The following MZT2A variants were observed in gnomAD, a reference collection of about 807,000 sequenced individuals.
The protein encoded by MZT2A is mitotic-spindle organizing protein 2A.
A neutral mutation model predicts 12.4 loss-of-function variants in MZT2A; 8 were observed. The observed-to-expected ratio is 0.64, with a 90% CI of 0.38 to 1.16. The LOEUF (loss-of-function observed/expected upper bound fraction) is 1.16. MZT2A is among the 50% of genes most tolerant of loss of function. The pLI, the probability that MZT2A is intolerant of heterozygous loss-of-function variation, is 0.01. For synonymous variants in MZT2A, 88 were observed against 107.5 expected, an observed-to-expected ratio of 0.82 and a Z score of 1.12; for missense variants, 181 against 223.6, an observed-to-expected ratio of 0.81 and a Z score of 1.22.
At chr2:131,477,573 C>T (rs1391029108) in intron 2 of MZT2A, among the ~76,000 whole-genome samples, 1 of 150,760 alleles carries the variant, frequency 6.6e-6, no homozygotes, top group East Asian at 1.9e-4. Context: ...TTCTCCAGCC[C>T]CCCAGTATCC....
downstream of MZT2A, chr2:131,482,955 C>T (rs188588284): frequency 3.3e-6 from 5 of 1,520,784 alleles, no homozygotes; most frequent in African/African-American, 5.5e-5. Context: ...TGTCGTGCAG[C>T]TTAGCTCTGC....
At chr2:131,477,712 G>T (rs1487301475) in intron 2 of MZT2A, among the ~76,000 whole-genome samples, 1 of 151,162 alleles carries the variant, frequency 6.6e-6, no homozygotes, top group Non-Finnish European at 1.5e-5. Context: ...TAGAACTGGG[G>T]GGTAGAGAGA....
intron 2 of MZT2A, among the ~76,000 whole-genome samples, chr2:131,487,388 G>A (rs1293971225): frequency 6.6e-6 from 1 of 152,108 alleles, no homozygotes; most frequent in Non-Finnish European, 1.5e-5. Context: ...GGAGGTGGGA[G>A]GATTGCCTGA....
chr2:131,472,877 A>C (rs1214104525), intron 2 of MZT2A, among the ~76,000 whole-genome samples: 10 of 151,456 alleles, frequency 6.6e-5, no homozygotes, highest in Non-Finnish European at 1.5e-4. Flanking sequence ...ATGTGGTTGG[A>C]GCCTTGAGGA....
chr2:131,493,250 C>A (rs1367435042), upstream of MZT2A: 25 of 1,348,144 alleles, frequency 1.9e-5, no homozygotes, highest in Non-Finnish European at 2.4e-5. Context: ...TCGGGCGGCC[C>A]GGCGGCTCTG....
chr2:131,493,181 C>T (rs1679421639), upstream of MZT2A: 2 of 1,412,134 alleles, frequency 1.4e-6, no homozygotes, highest in Admixed American at 3.0e-5. Flanking sequence ...GTCCGACGCC[C>T]TGGGGGCTTC....
Position 131,470,435 on chromosome 2 carries a change from G to A in MZT2A, c.394-92C>T, listed in dbSNP as rs193159399. 1,538 of 1,035,674 alleles carry A rather than the reference G, an allele frequency of 1.5e-3. 33 individuals carry two copies. Among genetic ancestry groups the A allele is most frequent in the Non-Finnish European group, 1.8e-3 (1,404 of 788,356 alleles). 64.2% of individuals were successfully genotyped at this position (1,035,674 alleles called of 1,614,324 possible). On this transcript the variant is annotated intron_variant and NMD_transcript_variant, in intron 3 of 4. Transcript: ENST00000427024. ...TACACTATATTAAAGAGTTACAAGTGACAGCCAATGCTGGTTACAGATTAA... is the reference window on the plus strand; with the variant it reads ...TACACTATATTAAAGAGTTACAAGTAACAGCCAATGCTGGTTACAGATTAA...
intron 2 of MZT2A, chr2:131,491,651 C>T: frequency 1.3e-6 from 1 of 775,486 alleles, no homozygotes; most frequent in Non-Finnish European, 2.0e-6. Flanking sequence ...CAGCCTGGAC[C>T]ACCCTGGGGC....
chr2:131,471,161 C>T (rs1176112475), intron 3 of MZT2A, among the ~76,000 whole-genome samples: 2 of 139,362 alleles, frequency 1.4e-5, no homozygotes, highest in East Asian at 1.9e-4. Context: ...AAAGGCCTCC[C>T]CAGGCCTCTC....
chr2:131,484,494 G>A (rs1226139852), intron 2 of MZT2A, among the ~76,000 whole-genome samples: 1 of 152,218 alleles, frequency 6.6e-6, no homozygotes, highest in Non-Finnish European at 1.5e-5. Context: ...ATTTTGAAAG[G>A]ACACATGCCA....
At position 131,491,867 on chromosome 2, in the gene MZT2A, A is replaced by T. The variant is rs1316492273; in HGVS notation, c.319+9T>A. 2 of 1,465,198 alleles carry T rather than the reference A, an allele frequency of 1.4e-6. No individual in the cohort carries two copies. The highest frequency in any genetic ancestry group is 2.7e-5 in the South Asian group (2 of 74,168). The allele number at this position is 1,465,198 out of a possible 1,614,324, so 90.8% of individuals were successfully genotyped here. ...CCACTGGGGCAGGGACAGCGGGCCCAGCTCTGACCTCGGGTCTCGGGCACG... is the reference window on the plus strand; with the variant it reads ...CCACTGGGGCAGGGACAGCGGGCCCTGCTCTGACCTCGGGTCTCGGGCACG... On this transcript the variant is annotated intron_variant, in intron 2 of 2. Coordinates refer to ENST00000309451, the MANE Select transcript of MZT2A (RefSeq NM_001085365.2).
At chr2:131,482,600 G>A, downstream of MZT2A, 1 of 1,613,840 alleles carries the variant, frequency 6.2e-7, no homozygotes, top group Non-Finnish European at 8.5e-7. Context: ...GGGAGACCTG[G>A]CCAAGGTGCA....
intron 2 of MZT2A, among the ~76,000 whole-genome samples, chr2:131,485,219 C>A (rs1280477031): frequency 6.6e-6 from 1 of 152,150 alleles, no homozygotes; most frequent in Non-Finnish European, 1.5e-5. Context: ...CCATTTCATC[C>A]CCCCAGCATT....
chr2:131,474,931 A>G (rs538144025), intron 2 of MZT2A, among the ~76,000 whole-genome samples: 2 of 152,116 alleles, frequency 1.3e-5, no homozygotes, highest in African/African-American at 4.8e-5. Context: ...TTGCATCTCC[A>G]GGGTTGCACT....
chr2:131,474,405 C>CTTTTTTTTTT (rs70994777), intron 2 of MZT2A, among the ~76,000 whole-genome samples: 6 of 94,826 alleles, frequency 6.3e-5, no homozygotes, highest in East Asian at 8.8e-4. Context: ...TCTTCTTCTT[C>CTTTTTTTTTT]TTTTTTTTTT....
At chr2:131,486,637 G>T (rs1370592922) in intron 2 of MZT2A, 3 of 151,892 alleles carry the variant, frequency 2.0e-5, no homozygotes, top group Non-Finnish European at 4.4e-5. Context: ...TGGGGGAGGG[G>T]GGTTTAGAGA....
intron 2 of MZT2A, chr2:131,490,665 A>C (rs1679254744): frequency 4.5e-6 from 7 of 1,549,172 alleles, no homozygotes; most frequent in Non-Finnish European, 6.1e-6. Flanking sequence ...AGTTTCCATG[A>C]AAACAAGGAA....
downstream of MZT2A, among the ~76,000 whole-genome samples, chr2:131,479,108 T>C (rs563156317): frequency 6.6e-6 from 1 of 152,374 alleles, no homozygotes; most frequent in African/African-American, 2.4e-5. Context: ...GAGTTTAACT[T>C]TGTAGAGTCA....
downstream of MZT2A, among the ~76,000 whole-genome samples, chr2:131,481,056 A>G (rs1559350768): frequency 6.6e-6 from 1 of 152,006 alleles, no homozygotes; most frequent in South Asian, 2.1e-4. Flanking sequence ...GGTACCCGCT[A>G]CCACGCCCGG....
Sources: allele counts gnomAD v4.1 joint callset (sites outside exome capture counted in the v4.1 genomes callset), GRCh38; gene constraint gnomAD v4.1.1; transcripts MANE v1.5; gene names NCBI Gene and HGNC (gene_info 2026-07-23, HGNC 2026-07-21).